The following KAT2A variants were observed in gnomAD, a reference collection of about 807,000 sequenced individuals.
KAT2A encodes histone acetyltransferase KAT2A.
KAT2A carries 42 observed loss-of-function variants against 95.2 expected under a neutral mutation model. The observed-to-expected ratio is 0.44, with a 90% CI of 0.34 to 0.57. The LOEUF (loss-of-function observed/expected upper bound fraction) is 0.57, where lower values mean the gene tolerates loss of function less well. Ranked by LOEUF, KAT2A falls within the 20% of genes least tolerant of loss-of-function variation. The pLI is 0.01. For synonymous variants in KAT2A, 449 were observed against 448.2 expected, an observed-to-expected ratio of 1.00 and a Z score of -0.02; for missense variants, 784 against 1,126.3, an observed-to-expected ratio of 0.70 and a Z score of 4.35.
Position 42,113,657 on chromosome 17 carries a change from C to A in KAT2A, c.2506G>T (p.Asp836Tyr). The change falls in exon 18 of 18, where the codon GAC (aspartate) becomes TAC (tyrosine). Residue 836 changes from aspartate to tyrosine, a missense_variant. This residue lies in a region of KAT2A where 195 missense variants were observed against 247.1 expected (regional missense o/e 0.79). Transcript: ENST00000225916. Reference sequence around the variant, plus strand: ...GCGGCCCAAAGATGGGCCTACTTGTCAATGAGGCCTCCCTCCTTGAGCTTG... The same window carrying A: ...GCGGCCCAAAGATGGGCCTACTTGTAAATGAGGCCTCCCTCCTTGAGCTTG... ...YFKLKEGGLIDK is the reference protein window; with the variant it reads ...YFKLKEGGLIYK 6.2e-7 allele frequency: 1 copy of A among 1,608,198 alleles called. No individual in the cohort carries two copies. Among genetic ancestry groups the A allele is most frequent in the Non-Finnish European group, 8.5e-7 (1 of 1,178,436 alleles).
rs377593132 is a variant in KAT2A, at chr17:42,117,761, G to A, written c.1345C>T (p.Arg449Cys). 43 of 1,614,004 alleles carry A rather than the reference G, an allele frequency of 2.7e-5. No individual in the cohort carries two copies. The highest frequency in any genetic ancestry group is 2.0e-4 in the South Asian group (18 of 91,072). Residue 449 changes from arginine (R) to cysteine (C), a missense_variant, in exon 9 of 18, where the codon CGT (arginine) becomes TGT (cysteine). Coordinates refer to ENST00000225916, the MANE Select transcript of KAT2A (RefSeq NM_021078.3). The surrounding 1 kb of genome is among the most constrained non-coding windows in gnomAD (Gnocchi z 8.9). The stretch of plus-strand genomic sequence containing the variant: ...TCCATGGGGATGTCACCCATCACAC[G>A]GAGCCGCTTGGCATCCTCCAGGGTC... The part of the protein sequence containing the change: ...NLTLEDAKRL[R>C]VMGDIPMELV...
In KAT2A at chr17:42,114,602, G is replaced by T; in HGVS notation, c.2022C>A (p.Ile674=). The change falls in exon 14 of 18, where the codon ATC becomes ATA. Residue 674 remains isoleucine (I), a splice_region_variant and synonymous_variant. Transcript: ENST00000225916. The surrounding 1 kb of genome is among the most constrained non-coding windows in gnomAD (Gnocchi z 6.0). ...LSHIIKKQKE[I]IKKLIERKQA... Reference sequence around the variant, plus strand: ...GTTTGCGCTCAATCAGCTTCTTGATGATCTGAGGGAAGGAAGGGACTGAGG... The same window carrying T: ...GTTTGCGCTCAATCAGCTTCTTGATTATCTGAGGGAAGGAAGGGACTGAGG... 6.2e-7 allele frequency: 1 copy of T among 1,612,914 alleles called. No individual in the cohort carries two copies.
Position 42,120,033 on chromosome 17 carries a change from C to G in KAT2A, c.696G>C (p.Glu232Asp), listed in dbSNP as rs917529964. Reference sequence around the variant, plus strand: ...ATCTCCAATTCCCCTATCTCACCTGCTCAATATTAGGTTTCTCAAATGGAG... The same window carrying G: ...ATCTCCAATTCCCCTATCTCACCTGGTCAATATTAGGTTTCTCAAATGGAG... The part of the protein sequence containing the change: ...GSPPFEKPNI[E>D]QGVLNFVQYK... Residue 232 changes from glutamate (E) to aspartate (D), a missense_variant, in exon 4 of 18, where the codon GAG (glutamate) becomes GAC (aspartate). By Grantham distance (45) the Glu-to-Asp change is conservative. Around this residue, in one of 6 missense-constraint regions of KAT2A, gnomAD observed 208 missense variants for 339.7 expected, o/e 0.61. Coordinates refer to ENST00000225916, the MANE Select transcript of KAT2A (RefSeq NM_021078.3). 12 of 1,613,010 alleles carry G rather than the reference C, an allele frequency of 7.4e-6. No individual in the cohort carries two copies. Among genetic ancestry groups the G allele is most frequent in the Non-Finnish European group, 1.0e-5 (12 of 1,179,256 alleles).
chr17:42,117,022 G>A lies in KAT2A; in HGVS notation c.1764+13C>T, dbSNP rs375685102. ...GCCGTGGACTGGGGCTGGGGCCGGGGAGCCGCGCTCACCTTGACCTGCTCA... is the reference window on the plus strand; with the variant it reads ...GCCGTGGACTGGGGCTGGGGCCGGGAAGCCGCGCTCACCTTGACCTGCTCA... On this transcript the variant is annotated intron_variant, in intron 11 of 17. Coordinates refer to ENST00000225916, the MANE Select transcript of KAT2A (RefSeq NM_021078.3). The surrounding 1 kb of genome is among the most constrained non-coding windows in gnomAD (Gnocchi z 8.9). 6.2e-6 allele frequency: 10 copies of A among 1,613,300 alleles called. No homozygotes were observed. The highest frequency in any genetic ancestry group is 1.1e-5 in the South Asian group (1 of 91,080).
chr17:42,120,558 T>G, intron 2 of KAT2A, 148 bp downstream of exon 2: 2 of 1,255,436 alleles, frequency 1.6e-6, no homozygotes, highest in Non-Finnish European at 2.2e-6. Context: ...ATTTCCTTTC[T>G]CCCCCCTTGG....
At position 42,119,448 on chromosome 17, in the gene KAT2A, G is replaced by A. The variant is rs782796888; in HGVS notation, c.882-12C>T. 1 of 1,601,490 alleles carries A rather than the reference G, an allele frequency of 6.2e-7. No homozygotes were observed. The highest frequency in any genetic ancestry group is 8.5e-7 in the Non-Finnish European group (1 of 1,170,948). ...AGTAACAGAGCCATCTGGAGTAGGG[G>A]GTCGAGGGGGAGACAGGTGAGGGCG... On this transcript the variant is annotated splice_polypyrimidine_tract_variant and intron_variant, in intron 5 of 17. Coordinates refer to ENST00000225916, the MANE Select transcript of KAT2A (RefSeq NM_021078.3). The surrounding 1 kb of genome is among the most constrained non-coding windows in gnomAD (Gnocchi z 5.3).
Position 42,114,583 on chromosome 17 carries a change from G to C in KAT2A, c.2041C>G (p.Arg681Gly), listed in dbSNP as rs199513433. Residue 681 changes from arginine to glycine, a missense_variant, in exon 14 of 18, where the codon CGC becomes GGC. Physicochemically the swap from Arg to Gly is moderately radical, Grantham distance 125 (BLOSUM62 -2). Around this residue, in one of 6 missense-constraint regions of KAT2A, gnomAD observed 195 missense variants for 247.1 expected, o/e 0.79. Coordinates refer to ENST00000225916, the MANE Select transcript of KAT2A (RefSeq NM_021078.3). The surrounding 1 kb of genome is among the most constrained non-coding windows in gnomAD (Gnocchi z 6.0). ...ACCTTGCGGATCTGGGCCTGTTTGC[G>C]CTCAATCAGCTTCTTGATGATCTGA... is the stretch of plus-strand genomic sequence containing the variant. ...QKEIIKKLIE[R>G]KQAQIRKVYP... 9.3e-6 allele frequency: 15 copies of C among 1,613,556 alleles called. No individual in the cohort carries two copies. In the East Asian group the frequency reaches 1.6e-4, roughly 17 times the overall value.
In KAT2A at chr17:42,117,371, C is replaced by G; in HGVS notation, c.1637+17G>C. ...TGGGTGTGCTGCCCTGGGGGAGGGGCTCTCTGGGGGACGCACGGGTCAAAG... is the reference window on the plus strand; with the variant it reads ...TGGGTGTGCTGCCCTGGGGGAGGGGGTCTCTGGGGGACGCACGGGTCAAAG... On this transcript the variant is annotated intron_variant, in intron 10 of 17. Transcript: ENST00000225916. The surrounding 1 kb of genome is among the most constrained non-coding windows in gnomAD (Gnocchi z 8.9). 1.2e-6 allele frequency: 2 copies of G among 1,611,936 alleles called. No homozygotes were observed. The highest frequency in any genetic ancestry group is 1.7e-6 in the Non-Finnish European group (2 of 1,178,722).
Position 42,118,313 on chromosome 17 carries a change from C to A in KAT2A, c.1164G>T (p.Gln388His). 1 of 1,612,554 alleles carries A rather than the reference C, an allele frequency of 6.2e-7. No individual in the cohort carries two copies. Among genetic ancestry groups the A allele is most frequent in the South Asian group, 1.1e-5 (1 of 91,070 alleles). ...GGCACATACCTGGCCGGGGAACCAG[C>A]TGTGTCCCCTCTGAGGGTGGCATGG... ...GFTMPPSEGT[Q>H]LVPRPASVSA... Residue 388 changes from glutamine to histidine, a missense_variant, in exon 7 of 18, where the codon CAG (glutamine) becomes CAT (histidine). This residue lies in a region of KAT2A where 63 missense variants were observed against 70.1 expected (regional missense o/e 0.90). Transcript: ENST00000225916.
In KAT2A at chr17:42,113,807, AGCGGCTTC is replaced by A; in HGVS notation, c.2348_2355del (p.Arg783LeufsTer51). On this transcript the variant is annotated frameshift_variant, in exon 18 of 18. Transcript: ENST00000225916. LOFTEE classifies it high-confidence loss of function. Reference sequence around the variant, plus strand: ...ACAAAGAGCTTCCGGGTCACGTAGTAGCGGCTTCGCAGCCGCTCAGTCATGGTCTTCAG... The same window carrying A: ...ACAAAGAGCTTCCGGGTCACGTAGTAGCAGCCGCTCAGTCATGGTCTTCAG... 1 of 1,601,710 alleles carries A rather than the reference AGCGGCTTC, an allele frequency of 6.2e-7. No individual in the cohort carries two copies. The highest frequency in any genetic ancestry group is 1.1e-5 in the South Asian group (1 of 89,926).
chr17:42,120,622 G>C, intron 2 of KAT2A, 84 bp downstream of exon 2: 3 of 1,562,382 alleles, frequency 1.9e-6, no homozygotes, highest in Non-Finnish European at 2.6e-6. Context: ...GATTTTTTCA[G>C]AGATGAAGCT....
Position 42,117,640 on chromosome 17 carries a change from GGGGGTCCCCCAACT to G in KAT2A, c.1428+24_1428+37del. 2 of 1,605,944 alleles carry G rather than the reference GGGGGTCCCCCAACT, an allele frequency of 1.2e-6. No individual in the cohort carries two copies. The highest frequency in any genetic ancestry group is 1.7e-6 in the Non-Finnish European group (2 of 1,174,862). The stretch of plus-strand genomic sequence containing the variant: ...TGGTGAGCCGGGGTCTCAGGTTGGT[GGGGGTCCCCCAACT>G]GGTCAGCAGGTCGGGCTGCCCACCT... On this transcript the variant is annotated intron_variant, in intron 9 of 17. Coordinates refer to ENST00000225916, the MANE Select transcript of KAT2A (RefSeq NM_021078.3). The surrounding 1 kb of genome is among the most constrained non-coding windows in gnomAD (Gnocchi z 8.9).
rs1568009956 is a variant in KAT2A at position 42,114,956 on chromosome 17, T to C, written c.1955A>G (p.Glu652Gly). ...GGGGATGCGGGGATTCAGCTCACAC[T>C]CCATCAGCGTCGCTCCCTCGTAGTC... ...IKDYEGATLM[E>G]CELNPRIPYT... is the part of the protein sequence containing the mutation. The change falls in exon 13 of 18, where the codon GAG (glutamate) becomes GGG (glycine). Residue 652 changes from glutamate (E) to glycine (G), a missense_variant. Glu to Gly is a moderately conservative substitution (Grantham distance 98). Around this residue, in one of 6 missense-constraint regions of KAT2A, gnomAD observed 195 missense variants for 247.1 expected, o/e 0.79. Transcript: ENST00000225916. This position sits in a 1 kb window ranked among gnomAD's most constrained non-coding sequence, Gnocchi z 6.0. 6.2e-7 allele frequency: 1 copy of C among 1,614,008 alleles called. No homozygotes were observed. Among genetic ancestry groups the C allele is most frequent in the Non-Finnish European group, 8.5e-7 (1 of 1,179,934 alleles).
rs1289767988 is a variant in KAT2A, at chr17:42,113,449, C to T, written c.*200G>A. 1.7e-5 allele frequency: 9 copies of T among 518,696 alleles called. No homozygotes were observed. The Admixed American group carries it at 3.3e-4, about 19-fold the overall frequency. The allele number at this position is 518,696 out of a possible 1,614,324, so 32.1% of individuals were successfully genotyped here. On this transcript the variant is annotated 3_prime_UTR_variant, in exon 18 of 18. Coordinates refer to ENST00000225916, the MANE Select transcript of KAT2A (RefSeq NM_021078.3). The stretch of plus-strand genomic sequence containing the variant: ...GGGCCCCAACCCAGGAGACCTCTCA[C>T]ACACAGTGAAGGCTGGGACAGAGCT...
chr17:42,120,022 T>G lies in KAT2A; in HGVS notation c.699+8A>C. 1 of 1,610,188 alleles carries G rather than the reference T, an allele frequency of 6.2e-7. No homozygotes were observed. Among genetic ancestry groups the G allele is most frequent in the Non-Finnish European group, 8.5e-7 (1 of 1,176,772 alleles). On this transcript the variant is annotated splice_region_variant and intron_variant, in intron 4 of 17. Transcript: ENST00000225916. ...TCCTATCCGCTATCTCCAATTCCCCTATCTCACCTGCTCAATATTAGGTTT... is the reference window on the plus strand; with the variant it reads ...TCCTATCCGCTATCTCCAATTCCCCGATCTCACCTGCTCAATATTAGGTTT...
chr17:42,119,229 C>A lies in KAT2A; in HGVS notation c.1073+16G>T. The A allele has an allele frequency of 6.3e-7, 1 of 1,588,068 alleles. No individual in the cohort carries two copies. The highest frequency in any genetic ancestry group is 8.6e-7 in the Non-Finnish European group (1 of 1,163,568). Reference sequence around the variant, plus strand: ...GAACTTGGGGCCAAATCCTGGTAGGCCAGAAGGAGCCTTACTTGGGGAAGT... The same window carrying A: ...GAACTTGGGGCCAAATCCTGGTAGGACAGAAGGAGCCTTACTTGGGGAAGT... On this transcript the variant is annotated intron_variant, in intron 6 of 17. Coordinates refer to ENST00000225916, the MANE Select transcript of KAT2A (RefSeq NM_021078.3). The surrounding 1 kb of genome is among the most constrained non-coding windows in gnomAD (Gnocchi z 5.3).
Position 42,117,242 on chromosome 17 carries a change from G to A in KAT2A, c.1638-81C>T. On this transcript the variant is annotated intron_variant, in intron 10 of 17. Coordinates refer to ENST00000225916, the MANE Select transcript of KAT2A (RefSeq NM_021078.3). The surrounding 1 kb of genome is among the most constrained non-coding windows in gnomAD (Gnocchi z 8.9). ...GCCCTGGAAGTCTGAGCTGTAGTCAGGGTTGGGCAGTGAGAAGTAAGAATG... is the reference window on the plus strand; with the variant it reads ...GCCCTGGAAGTCTGAGCTGTAGTCAAGGTTGGGCAGTGAGAAGTAAGAATG... 1 of 1,585,700 alleles carries A rather than the reference G, an allele frequency of 6.3e-7. No homozygotes were observed. Among genetic ancestry groups the A allele is most frequent in the Non-Finnish European group, 8.6e-7 (1 of 1,161,694 alleles).
Position 42,113,575 on chromosome 17 carries a change from G to C in KAT2A, c.*74C>G. The stretch of plus-strand genomic sequence containing the variant: ...AAGCTGAGTCGGGTCCGTGGGGCCA[G>C]GGCACCCCCTAAGGATCAGATCAGA... On this transcript the variant is annotated 3_prime_UTR_variant, in exon 18 of 18. Transcript: ENST00000225916. 1 of 1,451,642 alleles carries C rather than the reference G, an allele frequency of 6.9e-7. No individual in the cohort carries two copies. Among genetic ancestry groups the C allele is most frequent in the Non-Finnish European group, 9.4e-7 (1 of 1,068,554 alleles). The allele number at this position is 1,451,642 out of a possible 1,614,324, so 89.9% of individuals were successfully genotyped here.
rs1266846932 is a variant in KAT2A, at chr17:42,113,519, G to A, written c.*130C>T. On this transcript the variant is annotated 3_prime_UTR_variant, in exon 18 of 18. Coordinates refer to ENST00000225916, the MANE Select transcript of KAT2A (RefSeq NM_021078.3). ...AAGGTCCAGAAAGAGCTGCAGGATCGGGTCCGGAGGACCCTTGGCTGGAGT... is the reference window on the plus strand; with the variant it reads ...AAGGTCCAGAAAGAGCTGCAGGATCAGGTCCGGAGGACCCTTGGCTGGAGT... 3.8e-6 allele frequency: 3 copies of A among 790,264 alleles called. No individual in the cohort carries two copies. The highest frequency in any genetic ancestry group is 2.8e-5 in the East Asian group (1 of 36,012). 49.0% of individuals were successfully genotyped at this position (790,264 alleles called of 1,614,324 possible).
Sources: allele counts gnomAD v4.1 joint callset, GRCh38; gene constraint gnomAD v4.1.1; regional missense constraint gnomAD v4.1.1; non-coding constraint Gnocchi (gnomAD v3.1); transcripts MANE v1.5; gene names NCBI Gene and HGNC (gene_info 2026-07-23, HGNC 2026-07-21).